ABLIM1: variants seen among roughly 807,000 people sequenced by gnomAD.
The protein encoded by ABLIM1 is actin-binding LIM protein 1.
Under a neutral mutation model 107.0 loss-of-function variants are expected in ABLIM1, and 40 were observed. The ratio of observed to expected loss-of-function variants is 0.37; its 90% CI spans 0.29 to 0.49. The LOEUF (loss-of-function observed/expected upper bound fraction) is 0.49, where lower values mean the gene tolerates loss of function less well. ABLIM1 is among the 20% of genes least tolerant of loss of function. The pLI, the probability that ABLIM1 is intolerant of heterozygous loss-of-function variation, is 0.97. For missense variants in ABLIM1, 857 were observed against 1,008.5 expected (o/e 0.85, Z 2.04); for synonymous variants, 357 against 357.3 (o/e 1.00, Z 0.01).
At chr10:114,786,719 G>T in the ABLIM1 span, among the ~76,000 whole-genome samples, 1 of 152,208 alleles carries the variant, frequency 6.6e-6, no homozygotes, top group African/African-American at 2.4e-5. Context: ...CTGGTCTCCA[G>T]CTCCTAACCG....
the ABLIM1 span, among the ~76,000 whole-genome samples, chr10:114,786,529 G>A: frequency 5.3e-5 from 8 of 152,102 alleles, no homozygotes; most frequent in Non-Finnish European, 8.8e-5. Context: ...TTAATAGATG[G>A]ATTAAACAGT....
intron 1 of ABLIM1, among the ~76,000 whole-genome samples, chr10:114,713,950 T>C (rs371180763): frequency 2.6e-5 from 4 of 152,210 alleles, no homozygotes; most frequent in African/African-American, 9.6e-5. Context: ...CTGTGTTAAC[T>C]GCATTCTGTA....
chr10:114,697,748 T>G (rs1370642075), intron 1 of ABLIM1, among the ~76,000 whole-genome samples: 1 of 152,236 alleles, frequency 6.6e-6, no homozygotes, highest in Non-Finnish European at 1.5e-5. Context: ...GTAATCCAGC[T>G]ATTCCTCATA....
intron 1 of ABLIM1, among the ~76,000 whole-genome samples, chr10:114,693,459 T>C (rs1006813247): frequency 1.3e-5 from 2 of 152,178 alleles, no homozygotes; most frequent in African/African-American, 4.8e-5. Context: ...CATGCTCTCA[T>C]GCGTGCACTC....
chr10:114,526,961 A>G (rs1287705151), intron 6 of ABLIM1: 18 of 985,346 alleles, frequency 1.8e-5, no homozygotes, highest in East Asian at 1.1e-4. Context: ...CAGCAACCAC[A>G]ATGGGCCAGT....
chr10:114,613,817 G>C (rs1224748913), intron 1 of ABLIM1: 5 of 1,081,054 alleles, frequency 4.6e-6, no homozygotes, highest in Middle Eastern at 2.9e-4. Context: ...TGAACTTCAG[G>C]CTCCTTCAAG....
At chr10:114,555,405 G>A (rs1197544001) in intron 4 of ABLIM1, among the ~76,000 whole-genome samples, 3 of 152,270 alleles carry the variant, frequency 2.0e-5, no homozygotes, top group African/African-American at 7.2e-5. Flanking sequence ...AACCACAGAG[G>A]ACAAATCTTC....
At chr10:114,751,466 C>T (rs2082509382) in intron 1 of ABLIM1, among the ~76,000 whole-genome samples, 2 of 152,032 alleles carry the variant, frequency 1.3e-5, no homozygotes, top group Non-Finnish European at 2.9e-5. Flanking sequence ...GACTCCCTAA[C>T]TAGAATATGT....
chr10:114,620,303 G>A (rs549681626), intron 1 of ABLIM1, among the ~76,000 whole-genome samples: 67 of 152,340 alleles, frequency 4.4e-4, no homozygotes, highest in African/African-American at 1.4e-3. Flanking sequence ...GTGTAAAAGT[G>A]TGTTTCTTCC....
intron 1 of ABLIM1, among the ~76,000 whole-genome samples, chr10:114,742,406 G>A (rs2082305924): frequency 6.6e-6 from 1 of 152,164 alleles, no homozygotes; most frequent in African/African-American, 2.4e-5. Flanking sequence ...GAGGGAAGAT[G>A]CAATTGATCT....
chr10:114,697,664 T>C (rs2081224782), intron 1 of ABLIM1, among the ~76,000 whole-genome samples: 1 of 152,224 alleles, frequency 6.6e-6, no homozygotes, highest in Non-Finnish European at 1.5e-5. Flanking sequence ...ACAAGAGTGA[T>C]ATTTGCTGTT....
intron 6 of ABLIM1, among the ~76,000 whole-genome samples, chr10:114,544,652 T>C (rs1022704242): frequency 5.3e-5 from 8 of 152,194 alleles, no homozygotes; most frequent in African/African-American, 1.4e-4. Context: ...CATAGACATA[T>C]GCACACATGC....
At chr10:114,473,784 T>G in intron 9 of ABLIM1, 95 bp downstream of exon 9, 1 of 929,968 alleles carries the variant, frequency 1.1e-6, no homozygotes, top group Non-Finnish European at 1.7e-6. Context: ...TAGAAATCAC[T>G]TTGAATCAGT....
chr10:114,504,052 T>C (rs77342155), intron 6 of ABLIM1, among the ~76,000 whole-genome samples: 3,975 of 152,274 alleles, frequency 0.026, 145 homozygotes, highest in African/African-American at 0.078. Flanking sequence ...AGCCTCAAAA[T>C]TGGCTTCTTC....
At chr10:114,674,400 C>A (rs1026686518) in intron 1 of ABLIM1, among the ~76,000 whole-genome samples, 1 of 151,986 alleles carries the variant, frequency 6.6e-6, no homozygotes, top group Admixed American at 6.6e-5. Flanking sequence ...AAATGTACAT[C>A]GTAACTGTAA....
At chr10:114,791,150 T>C in the ABLIM1 span, among the ~76,000 whole-genome samples, 12 of 152,146 alleles carry the variant, frequency 7.9e-5, no homozygotes, top group Non-Finnish European at 1.2e-4. Flanking sequence ...ATAGCGATCA[T>C]AGCTCATGGC....
chr10:114,675,918 T>C (rs1342733775), intron 1 of ABLIM1, among the ~76,000 whole-genome samples: 1 of 152,202 alleles, frequency 6.6e-6, no homozygotes, highest in Non-Finnish European at 1.5e-5. Context: ...TTTTTACCTA[T>C]GCATGTCCAT....
chr10:114,577,756 G>T (rs573115954), intron 2 of ABLIM1, among the ~76,000 whole-genome samples: 11 of 152,262 alleles, frequency 7.2e-5, no homozygotes, highest in African/African-American at 2.6e-4. Context: ...TTTCCTTAAA[G>T]TAGTGCTCAA....
chr10:114,600,197 C>T (rs1478837994), intron 2 of ABLIM1, among the ~76,000 whole-genome samples: 2 of 152,158 alleles, frequency 1.3e-5, no homozygotes, highest in Admixed American at 1.3e-4. Context: ...ACTCAAGCCA[C>T]ACAACGTGAC....
Sources: allele counts gnomAD v4.1 joint callset (sites outside exome capture counted in the v4.1 genomes callset), GRCh38; gene constraint gnomAD v4.1.1; transcripts MANE v1.5; gene names NCBI Gene and HGNC (gene_info 2026-07-23, HGNC 2026-07-21).